The following CEP128 variants were observed in gnomAD, a reference collection of about 807,000 sequenced individuals.
CEP128 encodes centrosomal protein 128kDa.
CEP128 carries 132 observed loss-of-function variants against 156.7 expected under a neutral mutation model. That is an observed-to-expected ratio of 0.84 (90% confidence interval 0.73 to 0.97). The LOEUF (loss-of-function observed/expected upper bound fraction) is 0.97, where lower values mean the gene tolerates loss of function less well. CEP128 is among the 50% of genes least tolerant of loss of function. The pLI, the probability that CEP128 is intolerant of heterozygous loss-of-function variation, is 0.00. For synonymous variants in CEP128, 469 were observed against 448.9 expected (o/e 1.04, Z -0.57); for missense variants, 1,252 against 1,281.9 (o/e 0.98, Z 0.36).
At chr14:80,758,288 G>A (rs939453429) in intron 17 of CEP128, among the ~76,000 whole-genome samples, 4 of 152,176 alleles carry the variant, frequency 2.6e-5, no homozygotes, top group Non-Finnish European at 4.4e-5. Context: ...TTGGGAGGCC[G>A]AGGCTGGTGG....
intron 19 of CEP128, among the ~76,000 whole-genome samples, chr14:80,664,598 T>A (rs1035276404): frequency 6.6e-6 from 1 of 152,112 alleles, no homozygotes; most frequent in Non-Finnish European, 1.5e-5. Flanking sequence ...ATTTTGCAAA[T>A]GAGGAAACTG....
intron 19 of CEP128, among the ~76,000 whole-genome samples, chr14:80,690,244 T>TAAA (rs552661665): frequency 0.067 from 7,818 of 116,164 alleles, 345 homozygotes; most frequent in South Asian, 0.17. Flanking sequence ...CTGTCTCTAT[T>TAAA]AAAAAAAAAA....
chr14:80,744,810 A>G (rs1456895417), intron 18 of CEP128, among the ~76,000 whole-genome samples: 2 of 152,136 alleles, frequency 1.3e-5, no homozygotes, highest in African/African-American at 4.8e-5. Context: ...GGATGTTGAG[A>G]ATCCCTTGCT....
rs933375667 is a variant in CEP128, at chr14:80,496,532, C to A, written c.*947G>T. ...CCCTTGTCTATGCAGAATCCATGAC[C>A]CAATAGGATTCAGTTCCTGAAAGTT... On this transcript the variant is annotated 3_prime_UTR_variant, in exon 25 of 25. Transcript: ENST00000555265. 1 of 152,510 alleles carries A rather than the reference C, an allele frequency of 6.6e-6. No individual in the cohort carries two copies. The highest frequency in any genetic ancestry group is 1.5e-5 in the Non-Finnish European group (1 of 67,972). The allele number at this position is 152,510 out of a possible 1,614,324, so 9.4% of individuals were successfully genotyped here. A position where few individuals can be genotyped will look rare whatever the true frequency, so the allele number is the denominator to read the frequency against.
intron 8 of CEP128, among the ~76,000 whole-genome samples, chr14:80,879,849 CAA>C (rs1229536404): frequency 6.6e-6 from 1 of 151,884 alleles, no homozygotes; most frequent in African/African-American, 2.4e-5. Context: ...AGATTCAACT[CAA>C]AGAGATCCTC....
At chr14:80,630,127 A>C (rs754747473) in intron 19 of CEP128, among the ~76,000 whole-genome samples, 2 of 151,992 alleles carry the variant, frequency 1.3e-5, no homozygotes, top group East Asian at 3.8e-4. Flanking sequence ...GTAGTGGTCA[A>C]TGTAGACGTA....
chr14:80,600,474 GAA>G (rs1404505289), intron 19 of CEP128, among the ~76,000 whole-genome samples: 1 of 151,922 alleles, frequency 6.6e-6, no homozygotes, highest in Non-Finnish European at 1.5e-5. Flanking sequence ...GGGATAAACA[GAA>G]AAAAGAGAGA....
Position 80,526,919 on chromosome 14 carries a change from A to G in CEP128, c.3022T>C (p.Ser1008Pro), listed in dbSNP as rs1295254111. 1 of 1,612,016 alleles carries G rather than the reference A, an allele frequency of 6.2e-7. No homozygotes were observed. Residue 1008 changes from serine (S) to proline (P), a missense_variant, in exon 23 of 25, where the codon TCT (serine) becomes CCT (proline). By Grantham distance (74) the Ser-to-Pro change is moderately conservative (BLOSUM62 -1). Transcript: ENST00000555265. Reference protein sequence around the residue: ...RYSKYRVRRNSLQHHQDDTKY... With the variant: ...RYSKYRVRRNPLQHHQDDTKY... ...GTGTCATCTTGGTGATGCTGAAGAG[A>G]ATTTCTGCGAACCCTGTATTTGGAA...
chr14:80,607,945 C>T (rs1013011103), intron 19 of CEP128, among the ~76,000 whole-genome samples: 1 of 152,210 alleles, frequency 6.6e-6, no homozygotes, highest in African/African-American at 2.4e-5. Flanking sequence ...AACTCTCCTC[C>T]ACGCAGTCTC....
At chr14:80,830,996 G>T in intron 13 of CEP128, 147 bp downstream of exon 13, 1 of 693,522 alleles carries the variant, frequency 1.4e-6, no homozygotes, top group Non-Finnish European at 2.4e-6. Context: ...CTACATATAA[G>T]TAAATCAGTC....
rs186232477 is a variant in CEP128 at position 80,593,804 on chromosome 14, T to C, written c.2807-13381A>G. Reference sequence around the variant, plus strand: ...CTCTTCAAGGAGAACTACAAACCACTGCTCAAGGAAATAAGAGAGGACACA... The same window carrying C: ...CTCTTCAAGGAGAACTACAAACCACCGCTCAAGGAAATAAGAGAGGACACA... On this transcript the variant is annotated intron_variant, in intron 19 of 24. Coordinates refer to ENST00000555265, the MANE Select transcript of CEP128 (RefSeq NM_152446.5). Among the ~76,000 whole-genome samples, 753 of 152,196 alleles carry C rather than the reference T, an allele frequency of 4.9e-3. 5 individuals carry two copies. Among genetic ancestry groups the C allele is most frequent in the African/African-American group, 0.017 (711 of 41,518 alleles).
At position 80,667,298 on chromosome 14, in the gene CEP128, G is replaced by A. The variant is rs569789529; in HGVS notation, c.2806+75777C>T. ...AGGCAGCTACACACCTTAAAAATGC[G>A]AGCAACAGTGTGGCCGAGGGGCTTA... is the stretch of plus-strand genomic sequence containing the variant. On this transcript the variant is annotated intron_variant, in intron 19 of 24. Coordinates refer to ENST00000555265, the MANE Select transcript of CEP128 (RefSeq NM_152446.5). Among the ~76,000 whole-genome samples the A allele has an allele frequency of 5.3e-5, 8 of 152,238 alleles. No individual in the cohort carries two copies. The East Asian group carries it at 1.4e-3, about 26-fold the overall frequency.
chr14:80,572,712 C>A (rs937360399), intron 20 of CEP128, among the ~76,000 whole-genome samples: 2 of 146,002 alleles, frequency 1.4e-5, no homozygotes, highest in Non-Finnish European at 3.0e-5. Flanking sequence ...CAAAAAAAAA[C>A]ACAAGAAAAC....
intron 19 of CEP128, among the ~76,000 whole-genome samples, chr14:80,663,346 C>A (rs1342064389): frequency 6.6e-6 from 1 of 152,278 alleles, no homozygotes; most frequent in East Asian, 1.9e-4. Context: ...AAACTGATGT[C>A]AACGGGACCA....
At chr14:80,911,692 A>T (rs756439355) in intron 4 of CEP128, among the ~76,000 whole-genome samples, 1 of 152,210 alleles carries the variant, frequency 6.6e-6, no homozygotes, top group Non-Finnish European at 1.5e-5. Flanking sequence ...ATGAAATAAG[A>T]TGATCTATGT....
At chr14:80,923,306 C>T (rs1054913288) in intron 2 of CEP128, among the ~76,000 whole-genome samples, 1 of 152,182 alleles carries the variant, frequency 6.6e-6, no homozygotes, top group Non-Finnish European at 1.5e-5. Context: ...AATACTCCAA[C>T]TAGAGAGAGT....
chr14:80,759,157 C>T (rs146313090), intron 17 of CEP128, among the ~76,000 whole-genome samples: 31 of 152,296 alleles, frequency 2.0e-4, no homozygotes, highest in African/African-American at 7.0e-4. Context: ...TAGTGTACGT[C>T]TGTCCTTCAT....
In CEP128 at chr14:80,778,045, G is replaced by T. The variant is rs543577647; in HGVS notation, c.2213C>A (p.Ala738Asp). ...EAENHIRTLK[A>D]ESLEEKNMAK... ...CATATTCTTCTCTTCTAAACTTTCA[G>T]CCTGAGAAAAAGAGAAGGAAAAAAC... The change falls in exon 16 of 25, where the codon GCT (alanine) becomes GAT (aspartate). Residue 738 changes from alanine (A) to aspartate (D), a missense_variant and splice_region_variant. Transcript: ENST00000555265. 1 of 1,610,578 alleles carries T rather than the reference G, an allele frequency of 6.2e-7. No homozygotes were observed. The highest frequency in any genetic ancestry group is 8.5e-7 in the Non-Finnish European group (1 of 1,179,282).
At chr14:80,717,676 G>A (rs1016990533) in intron 19 of CEP128, among the ~76,000 whole-genome samples, 2 of 152,070 alleles carry the variant, frequency 1.3e-5, no homozygotes, top group Non-Finnish European at 2.9e-5. Flanking sequence ...CAAATAAAAT[G>A]CAAAGACTGT....
Sources: gnomAD v4.1 joint callset for allele counts (sites outside exome capture counted in the v4.1 genomes callset) on GRCh38, gnomAD v4.1.1 for gene constraint, MANE v1.5 for transcripts, NCBI Gene and HGNC (gene_info 2026-07-23, HGNC 2026-07-21) for gene names.